The following ITGA10 variants were observed in gnomAD, a reference collection of about 807,000 sequenced individuals.
ITGA10 encodes integrin subunit alpha 10.
Under a neutral mutation model 145.2 loss-of-function variants are expected in ITGA10, and 105 were observed. That is an observed-to-expected ratio of 0.72 (90% confidence interval 0.62 to 0.85). ITGA10 has a LOEUF of 0.85. Ranked by LOEUF, ITGA10 falls within the 40% of genes least tolerant of loss-of-function variation. The pLI, the probability that ITGA10 is intolerant of heterozygous loss-of-function variation, is 0.00. For missense variants in ITGA10, 1,317 were observed against 1,444.5 expected, an observed-to-expected ratio of 0.91 and a Z score of 1.43; for synonymous variants, 506 against 557.8, an observed-to-expected ratio of 0.91 and a Z score of 1.31.
chr1:145,897,030 C>T lies in ITGA10; in HGVS notation c.2725G>A (p.Val909Met), dbSNP rs782719507. Residue 909 changes from valine to methionine, a missense_variant, in exon 22 of 30, where the codon GTG (valine) becomes ATG (methionine). Val to Met is a conservative substitution (Grantham distance 21, BLOSUM62 1). Transcript: ENST00000369304. ...SCSSLLSQVF[V>M]KLTASSDSLE... The stretch of plus-strand genomic sequence containing the variant: ...TCTCACCTGCTGGCAGTCAGCTTCA[C>T]GAAGACCTGGCTCAGGAGAGAGGAG... 60 of 1,613,932 alleles carry T rather than the reference C, an allele frequency of 3.7e-5. No individual in the cohort carries two copies. The highest frequency in any genetic ancestry group is 1.6e-4 in the Middle Eastern group (1 of 6,082).
In ITGA10 at chr1:145,902,873, C is replaced by A. The variant is rs1191569194; in HGVS notation, c.847G>T (p.Glu283Ter). Residue 283 changes from glutamate to a stop codon, truncating the protein, a stop_gained, in exon 8 of 30, where the codon GAG becomes TAG. Transcript: ENST00000369304. LOFTEE classifies it high-confidence loss of function. ...VVTDGESHDGEELPAALKACE... is the reference protein window; with the variant it reads ...VVTDGESHDG Reference sequence around the variant, plus strand: ...GCCTTTAGTGCTGCAGGAAGCTCCTCTCCATCATGGGACTCTCCATCAGTG... The same window carrying A: ...GCCTTTAGTGCTGCAGGAAGCTCCTATCCATCATGGGACTCTCCATCAGTG... 6.2e-7 allele frequency: 1 copy of A among 1,613,952 alleles called. No individual in the cohort carries two copies. The highest frequency in any genetic ancestry group is 8.5e-7 in the Non-Finnish European group (1 of 1,179,976).
At position 145,891,537 on chromosome 1, in the gene ITGA10, A is replaced by C. The variant is rs1218830518; in HGVS notation, c.*1261T>G. The C allele has an allele frequency of 6.6e-6, 1 of 152,292 alleles. No homozygotes were observed. The highest frequency in any genetic ancestry group is 1.5e-5 in the Non-Finnish European group (1 of 68,048). The allele number at this position is 152,292 out of a possible 1,614,324, so 9.4% of individuals were successfully genotyped here. On this transcript the variant is annotated 3_prime_UTR_variant, in exon 30 of 30. Transcript: ENST00000369304. ...ATAAGTTACCCAGTTGTCTATGAGA[A>C]TCCAACTGCCTTTACTGTCCATGAC...
At chr1:145,909,249 A>G (rs997928683) in intron 1 of ITGA10, among the ~76,000 whole-genome samples, 1 of 151,290 alleles carries the variant, frequency 6.6e-6, no homozygotes, top group Non-Finnish European at 1.5e-5. Flanking sequence ...AGAGTGAGCC[A>G]TGATCATGCC....
intron 6 of ITGA10, 98 bp downstream of exon 6, chr1:145,904,586 G>T: frequency 7.7e-7 from 1 of 1,299,650 alleles, no homozygotes; most frequent in Non-Finnish European, 1.1e-6. Context: ...TATTGCCCAG[G>T]CTAGTCTTGA....
rs1265600502 is a variant in ITGA10, at chr1:145,896,122, G to A, written c.2920-26C>T. 3 of 1,587,340 alleles carry A rather than the reference G, an allele frequency of 1.9e-6. No homozygotes were observed. In the African/African-American group the frequency reaches 4.0e-5, roughly 21 times the overall value. On this transcript the variant is annotated intron_variant, in intron 24 of 29. Coordinates refer to ENST00000369304, the MANE Select transcript of ITGA10 (RefSeq NM_003637.5). Reference sequence around the variant, plus strand: ...CTAAGAGGAAGGTTGGGAATAGGAAGAAGTGGGAGACAGAAGACCCTTCCT... The same window carrying A: ...CTAAGAGGAAGGTTGGGAATAGGAAAAAGTGGGAGACAGAAGACCCTTCCT...
chr1:145,893,495 A>G (rs782737933), intron 28 of ITGA10, 45 bp downstream of exon 28: 2 of 1,466,640 alleles, frequency 1.4e-6, no homozygotes, highest in East Asian at 4.7e-5. Context: ...CCACATACCC[A>G]TCATCATTAT....
At chr1:145,904,845 C>T (rs1656904523) in intron 5 of ITGA10, 34 bp from the exon 6 acceptor site, 1 of 1,605,210 alleles carries the variant, frequency 6.2e-7, no homozygotes, top group African/African-American at 1.3e-5. Flanking sequence ...GTAGAGGACA[C>T]TGAGCTGGGG....
Position 145,892,467 on chromosome 1 carries a change from G to A in ITGA10, c.*331C>T. 4.1e-6 allele frequency: 1 copy of A among 243,966 alleles called. No individual in the cohort carries two copies. The highest frequency in any genetic ancestry group is 1.1e-4 in the South Asian group (1 of 9,042). 15.1% of individuals were successfully genotyped at this position (243,966 alleles called of 1,614,324 possible). The stretch of plus-strand genomic sequence containing the variant: ...AAGATAAAGAGGGAATCTGAAAGGA[G>A]TCAGGCACCTAGGCAAAAAAATTAT... On this transcript the variant is annotated 3_prime_UTR_variant, in exon 30 of 30. Coordinates refer to ENST00000369304, the MANE Select transcript of ITGA10 (RefSeq NM_003637.5).
At chr1:145,907,210 A>G in intron 2 of ITGA10, 60 bp from the exon 3 acceptor site, 8 of 1,567,882 alleles carry the variant, frequency 5.1e-6, no homozygotes, top group Non-Finnish European at 6.9e-6. Context: ...GACATAGGCC[A>G]AAGGGAAAGA....
rs782423418 is a variant in ITGA10, at chr1:145,897,086, A to G, written c.2669T>C (p.Val890Ala). 6.2e-7 allele frequency: 1 copy of G among 1,613,450 alleles called. No homozygotes were observed. Among genetic ancestry groups the G allele is most frequent in the Non-Finnish European group, 8.5e-7 (1 of 1,179,400 alleles). The change falls in exon 22 of 30, where the codon GTG becomes GCG. Residue 890 changes from valine (V) to alanine (A), a missense_variant and splice_region_variant. Physicochemically the swap from Val to Ala is moderately conservative, Grantham distance 64. Transcript: ENST00000369304. ...AAACTCAAACTCTAGCAGAAAGGTCACCTAGGGGCAGGGGACACAGGGTAA... is the reference window on the plus strand; with the variant it reads ...AAACTCAAACTCTAGCAGAAAGGTCGCCTAGGGGCAGGGGACACAGGGTAA... ...GHPVFQTGAK[V>A]TFLLEFEFSC...
intron 3 of ITGA10, 96 bp downstream of exon 3, chr1:145,906,945 G>T: frequency 8.8e-7 from 1 of 1,139,174 alleles, no homozygotes; most frequent in Admixed American, 2.2e-5. Flanking sequence ...GGGAGTATGC[G>T]GATTTTAGGG....
At chr1:145,902,683 T>C in intron 8 of ITGA10, 64 bp from the exon 9 acceptor site, 1 of 1,539,252 alleles carries the variant, frequency 6.5e-7, no homozygotes, top group Non-Finnish European at 8.8e-7. Context: ...CCAACTAACA[T>C]GCTGTGGCTG....
chr1:145,905,441 G>A (rs782059855), intron 5 of ITGA10, among the ~76,000 whole-genome samples: 8 of 151,212 alleles, frequency 5.3e-5, no homozygotes, highest in African/African-American at 1.2e-4. Flanking sequence ...CACGACACCC[G>A]GCTAATTTTT....
rs200866220 is a variant in ITGA10 at position 145,901,496 on chromosome 1, C to T, written c.1443+20G>A. 3.5e-5 allele frequency: 54 copies of T among 1,548,878 alleles called. No individual in the cohort carries two copies. The Middle Eastern group carries it at 1.2e-3, about 35-fold the overall frequency. On this transcript the variant is annotated intron_variant, in intron 12 of 29. Transcript: ENST00000369304. The surrounding 1 kb of genome is among the most constrained non-coding windows in gnomAD (Gnocchi z 4.3). ...GGTCCCTGGGAATCCAAAGGTCCCA[C>T]CCTTCCTTGGATGCCCTACCTGCTC...
In ITGA10 at chr1:145,896,131, G is replaced by A. The variant is rs782286750; in HGVS notation, c.2920-35C>T. ...AGGTTGGGAATAGGAAGAAGTGGGA[G>A]ACAGAAGACCCTTCCTCATTTGTTC... On this transcript the variant is annotated intron_variant, in intron 24 of 29. Transcript: ENST00000369304. The A allele has an allele frequency of 6.4e-6, 10 of 1,563,526 alleles. No homozygotes were observed. The African/African-American group carries it at 8.1e-5, about 13-fold the overall frequency.
At position 145,900,120 on chromosome 1, in the gene ITGA10, T is replaced by C. The variant is rs782722475; in HGVS notation, c.1859A>G (p.Asp620Gly). The C allele has an allele frequency of 3.1e-6, 5 of 1,614,078 alleles. No homozygotes were observed. In the Admixed American group the frequency reaches 8.3e-5, roughly 27 times the overall value. Reference sequence around the variant, plus strand: ...ATCGACCAGATCATCTCCATCCAGATCTAGCCGACCATCCACACTTCGGCC... The same window carrying C: ...ATCGACCAGATCATCTCCATCCAGACCTAGCCGACCATCCACACTTCGGCC... ...YFGRSVDGRL[D>G]LDGDDLVDVA... Residue 620 changes from aspartate to glycine, a missense_variant, in exon 15 of 30, where the codon GAT (aspartate) becomes GGT (glycine). Coordinates refer to ENST00000369304, the MANE Select transcript of ITGA10 (RefSeq NM_003637.5).
intron 29 of ITGA10, 35 bp downstream of exon 29, chr1:145,893,126 T>C (rs1163589076): frequency 6.8e-7 from 1 of 1,467,374 alleles, no homozygotes; most frequent in African/African-American, 1.4e-5. Context: ...CTCATGGGCA[T>C]CATGCTCCAC....
At position 145,892,595 on chromosome 1, in the gene ITGA10, T is replaced by C. The variant is rs1222225158; in HGVS notation, c.*203A>G. On this transcript the variant is annotated 3_prime_UTR_variant, in exon 30 of 30. Transcript: ENST00000369304. ...GCAGAGGGTGGGAGCATGGCTAGTT[T>C]TGGTGCCAGCTCTTCTTGTCTGAGG... 6.2e-6 allele frequency: 3 copies of C among 480,896 alleles called. No homozygotes were observed. Among genetic ancestry groups the C allele is most frequent in the African/African-American group, 5.9e-5 (3 of 51,052 alleles). The allele number at this position is 480,896 out of a possible 1,614,324, so 29.8% of individuals were successfully genotyped here. A position where few individuals can be genotyped will look rare whatever the true frequency, so the allele number is the denominator to read the frequency against.
chr1:145,897,997 AT>A, intron 18 of ITGA10, 97 bp from the exon 19 acceptor site: 1 of 1,297,446 alleles, frequency 7.7e-7, no homozygotes, highest in Non-Finnish European at 1.1e-6. Context: ...GTATATTTTG[AT>A]TAGAGGAGCC....
Sources: allele counts gnomAD v4.1 joint callset (sites outside exome capture counted in the v4.1 genomes callset), GRCh38; gene constraint gnomAD v4.1.1; non-coding constraint Gnocchi (gnomAD v3.1); transcripts MANE v1.5; gene names NCBI Gene and HGNC (gene_info 2026-07-23, HGNC 2026-07-21).